The following ADCY8 variants were observed in gnomAD, a reference collection of about 807,000 sequenced individuals.
The protein encoded by ADCY8 is adenylate cyclase type 8.
In ADCY8, 51 loss-of-function variants were observed where a neutral mutation model predicts 119.7. That is an observed-to-expected ratio of 0.43 (90% CI 0.34 to 0.54). The LOEUF is 0.54. Among genes scored for constraint, ADCY8 ranks in the 20% least tolerant of loss-of-function variants. The probability of loss-of-function intolerance (pLI) is 0.03; values close to 1 mark genes in which losing one functional copy is unlikely to be tolerated. For synonymous variants in ADCY8, 665 were observed against 651.0 expected, an observed-to-expected ratio of 1.02 and a Z score of -0.33; for missense variants, 1,383 against 1,598.8, an observed-to-expected ratio of 0.87 and a Z score of 2.30.
intron 2 of ADCY8, among the ~76,000 whole-genome samples, chr8:130,956,993 A>G (rs1821448187): frequency 6.6e-6 from 1 of 152,192 alleles, no homozygotes; most frequent in Non-Finnish European, 1.5e-5. Context: ...GTGAAAACAG[A>G]CGAATACAAT....
Position 130,999,246 on chromosome 8 carries a change from C to T in ADCY8, c.961-8704G>A, listed in dbSNP as rs534713038. Among the ~76,000 whole-genome samples the T allele has an allele frequency of 7.4e-4, 113 of 152,230 alleles. 1 individual carries two copies. Among genetic ancestry groups the T allele is most frequent in the Middle Eastern group, 6.8e-3 (2 of 294 alleles). On this transcript the variant is annotated intron_variant, in intron 1 of 17. Coordinates refer to ENST00000286355, the MANE Select transcript of ADCY8 (RefSeq NM_001115.3). ...CTCTTTGGTCCAGTTTTGTGATCAC[C>T]GGAAAGTGGAAAGTTGTCACTCTGA...
intron 9 of ADCY8, among the ~76,000 whole-genome samples, chr8:130,854,974 A>T (rs1293442110): frequency 7.3e-6 from 1 of 137,236 alleles, no homozygotes; most frequent in African/African-American, 2.8e-5. Flanking sequence ...TCATCATCAC[A>T]TGCAGACCAG....
intron 10 of ADCY8, among the ~76,000 whole-genome samples, chr8:130,849,305 T>C (rs942659919): frequency 1.3e-5 from 2 of 152,240 alleles, no homozygotes; most frequent in African/African-American, 4.8e-5. Flanking sequence ...ACTTGATACA[T>C]GGTAACTCTT....
intron 15 of ADCY8, among the ~76,000 whole-genome samples, chr8:130,793,776 A>G (rs1048907226): frequency 2.6e-5 from 4 of 152,200 alleles, no homozygotes; most frequent in Non-Finnish European, 5.9e-5. Flanking sequence ...ATTAGTTTAG[A>G]AGATCATAAG....
chr8:130,925,530 C>G (rs1820440058), intron 5 of ADCY8, among the ~76,000 whole-genome samples: 1 of 152,132 alleles, frequency 6.6e-6, no homozygotes, highest in East Asian at 1.9e-4. Flanking sequence ...AGGCAGGAAA[C>G]AGGGTAGGTC....
rs768091117 is a variant in ADCY8 at position 130,783,731 on chromosome 8, C to T, written c.3228G>A (p.Glu1076=). 1.9e-6 allele frequency: 3 copies of T among 1,613,478 alleles called. No homozygotes were observed. Among genetic ancestry groups the T allele is most frequent in the Non-Finnish European group, 8.5e-7 (1 of 1,179,716 alleles). ...AATTGTTGAATGAATGCTTGTTGAT[C>T]TCCTGTATGCTTTCTGTCAGGGCGA... ...FSLALTESIQ[E]INKHSFNNFE... The change falls in exon 17 of 18, where the codon GAG becomes GAA. Residue 1076 remains glutamate (E), a synonymous_variant. Coordinates refer to ENST00000286355, the MANE Select transcript of ADCY8 (RefSeq NM_001115.3).
intron 9 of ADCY8, among the ~76,000 whole-genome samples, chr8:130,862,780 T>C (rs1817983936): frequency 6.6e-6 from 1 of 152,240 alleles, no homozygotes; most frequent in Admixed American, 6.5e-5. Flanking sequence ...TTATTTAATC[T>C]CCAAGTGTTT....
intron 5 of ADCY8, among the ~76,000 whole-genome samples, chr8:130,915,536 G>A (rs1448140789): frequency 2.0e-5 from 3 of 152,138 alleles, no homozygotes; most frequent in African/African-American, 4.8e-5. Context: ...TGGATGTCAG[G>A]CTAGTTGCTT....
At chr8:131,025,711 G>T (rs1435453863) in intron 1 of ADCY8, among the ~76,000 whole-genome samples, 1 of 152,196 alleles carries the variant, frequency 6.6e-6, no homozygotes, top group Non-Finnish European at 1.5e-5. Flanking sequence ...AGAAATGAGT[G>T]CAAGCTGAAT....
chr8:131,030,063 G>A (rs1823950467), intron 1 of ADCY8, among the ~76,000 whole-genome samples: 2 of 152,198 alleles, frequency 1.3e-5, no homozygotes, highest in African/African-American at 4.8e-5. Flanking sequence ...TTATGACATT[G>A]CTCTGATAGA....
intron 2 of ADCY8, among the ~76,000 whole-genome samples, chr8:130,962,449 TC>T (rs1821632972): frequency 6.6e-6 from 1 of 152,170 alleles, no homozygotes; most frequent in Non-Finnish European, 1.5e-5. Flanking sequence ...CATCTTTTTC[TC>T]CCTGAGTTTT....
chr8:130,947,426 C>G (rs904401460), intron 3 of ADCY8, among the ~76,000 whole-genome samples: 3 of 152,172 alleles, frequency 2.0e-5, no homozygotes, highest in African/African-American at 7.2e-5. Flanking sequence ...TTGCATAATT[C>G]TCAATAAATG....
rs980635131 is a variant in ADCY8, at chr8:130,780,443, C to T, written c.3703G>A (p.Gly1235Ser). 9.3e-6 allele frequency: 15 copies of T among 1,612,958 alleles called. No homozygotes were observed. In the East Asian group the frequency reaches 1.3e-4, roughly 14 times the overall value. The change falls in exon 18 of 18, where the codon GGC (glycine) becomes AGC (serine). Residue 1235 changes from glycine to serine, a missense_variant. Around this residue, in one of 2 missense-constraint regions of ADCY8, gnomAD observed 928 missense variants for 1,163.5 expected, o/e 0.80. Transcript: ENST00000286355. The part of the protein sequence containing the change: ...YNRRTLLSPS[G>S]TEPGAQAEGT... The stretch of plus-strand genomic sequence containing the variant: ...TCAGCCTGGGCTCCAGGCTCTGTGC[C>T]GCTGGGTGACAACAAAGTCCGCCGG...
intron 12 of ADCY8, among the ~76,000 whole-genome samples, chr8:130,830,563 C>T (rs1378315798): frequency 6.6e-6 from 1 of 152,114 alleles, no homozygotes; most frequent in Non-Finnish European, 1.5e-5. Context: ...CTTTCTTTTG[C>T]CTATTAAATC....
At chr8:130,857,833 G>A (rs1346939762) in intron 9 of ADCY8, among the ~76,000 whole-genome samples, 4 of 152,036 alleles carry the variant, frequency 2.6e-5, no homozygotes, top group Non-Finnish European at 4.4e-5. Context: ...GTGATCTTAT[G>A]GTGAAAAGCC....
chr8:130,803,294 AG>A (rs1187686842), intron 14 of ADCY8, among the ~76,000 whole-genome samples: 2 of 152,172 alleles, frequency 1.3e-5, no homozygotes, highest in East Asian at 3.9e-4. Context: ...CAAGTCACAG[AG>A]GGGGTTTAGA....
chr8:130,821,278 G>T, intron 13 of ADCY8, 64 bp downstream of exon 13: 1 of 1,399,662 alleles, frequency 7.1e-7, no homozygotes, highest in Non-Finnish European at 1.0e-6. Context: ...GAGCAGCAGA[G>T]GCCAGTTTGA....
intron 2 of ADCY8, among the ~76,000 whole-genome samples, chr8:130,974,080 C>G (rs749037954): frequency 6.6e-6 from 1 of 152,370 alleles, no homozygotes. Context: ...AAAGCTGTCT[C>G]TCTGTCTGTA....
At chr8:130,789,881 A>G (rs1815371347) in intron 15 of ADCY8, among the ~76,000 whole-genome samples, 1 of 152,100 alleles carries the variant, frequency 6.6e-6, no homozygotes, top group Non-Finnish European at 1.5e-5. Flanking sequence ...AACTCTCGGG[A>G]TGGGGCTTGG....
Sources: gnomAD v4.1 joint callset for allele counts (sites outside exome capture counted in the v4.1 genomes callset) on GRCh38, gnomAD v4.1.1 for gene constraint, gnomAD v4.1.1 regional missense constraint, MANE v1.5 for transcripts, NCBI Gene and HGNC (gene_info 2026-07-23, HGNC 2026-07-21) for gene names.